KIDINS220: variants seen among roughly 807,000 people sequenced by gnomAD.
KIDINS220 encodes kinase D-interacting substrate of 220 kDa.
KIDINS220 carries 63 observed loss-of-function variants against 157.6 expected under a neutral mutation model. The ratio of observed to expected loss-of-function variants is 0.40; its 90% confidence interval spans 0.33 to 0.49. The LOEUF is 0.49. KIDINS220 is among the 20% of genes least tolerant of loss of function. The probability of loss-of-function intolerance (pLI) is 0.66; values close to 1 mark genes in which losing one functional copy is unlikely to be tolerated. For synonymous variants in KIDINS220, 732 were observed against 783.6 expected, an observed-to-expected ratio of 0.93 and a Z score of 1.10; for missense variants, 1,772 against 2,171.2, an observed-to-expected ratio of 0.82 and a Z score of 3.65.
chr2:8,813,201 CT>C, intron 5 of KIDINS220, 35 bp downstream of exon 5: 1 of 1,489,630 alleles, frequency 6.7e-7, no homozygotes, highest in Non-Finnish European at 9.3e-7. Context: ...AAACTTACCA[CT>C]TATAATACAA....
At chr2:8,734,841 A>C (rs985791881) in intron 27 of KIDINS220, 88 bp from the exon 28 acceptor site, 2 of 942,414 alleles carry the variant, frequency 2.1e-6, no homozygotes, top group African/African-American at 3.3e-5. Flanking sequence ...GCTTATATTT[A>C]GTTTTAAATA....
In KIDINS220 at chr2:8,730,783, C is replaced by G; in HGVS notation, c.5253G>C (p.Glu1751Asp). Residue 1751 changes from glutamate to aspartate, a missense_variant, in exon 30 of 30, where the codon GAG (glutamate) becomes GAC (aspartate). By Grantham distance (45) the Glu-to-Asp change is conservative (BLOSUM62 2). This residue lies in a region of KIDINS220 where 793 missense variants were observed against 885.5 expected (regional missense o/e 0.90). Coordinates refer to ENST00000256707, the MANE Select transcript of KIDINS220 (RefSeq NM_020738.4). ...TCTCAGAAGAGGCTGCTGCATGGAG[C>G]TCCGGAGGATCTTTGGAGAGCCTTG... Reference protein sequence around the residue: ...SYTRLSKDPPELHAAASSEST... With the variant: ...SYTRLSKDPPDLHAAASSEST... 6.2e-7 allele frequency: 1 copy of G among 1,614,216 alleles called. No individual in the cohort carries two copies. The highest frequency in any genetic ancestry group is 1.1e-5 in the South Asian group (1 of 91,082).
chr2:8,836,404 C>T (rs1680405988), intron 1 of KIDINS220, among the ~76,000 whole-genome samples: 1 of 152,182 alleles, frequency 6.6e-6, no homozygotes, highest in African/African-American at 2.4e-5. Flanking sequence ...GGAAATTATT[C>T]ACACAAAGGG....
At chr2:8,773,507 C>T (rs1670515913) in intron 21 of KIDINS220, among the ~76,000 whole-genome samples, 1 of 150,948 alleles carries the variant, frequency 6.6e-6, no homozygotes, top group Non-Finnish European at 1.5e-5. Context: ...GAGTCTCACT[C>T]TGTCACTCAG....
At chr2:8,757,477 C>T (rs1418662420) in intron 22 of KIDINS220, 46 of 1,377,844 alleles carry the variant, frequency 3.3e-5, no homozygotes, top group African/African-American at 5.9e-5. Context: ...TATGTGAGGC[C>T]GTCTTCATTT....
chr2:8,769,014 A>G (rs2148150621), intron 22 of KIDINS220, among the ~76,000 whole-genome samples: 1 of 152,340 alleles, frequency 6.6e-6, no homozygotes, highest in Non-Finnish European at 1.5e-5. Flanking sequence ...GGAAGAGAAG[A>G]AAAGCATCTC....
intron 22 of KIDINS220, among the ~76,000 whole-genome samples, chr2:8,762,580 A>G (rs1668897892): frequency 6.6e-6 from 1 of 152,094 alleles, no homozygotes; most frequent in Non-Finnish European, 1.5e-5. Flanking sequence ...TATTAAAAAT[A>G]CAAAAAAAAT....
At chr2:8,825,044 G>A (rs1678544038) in intron 2 of KIDINS220, among the ~76,000 whole-genome samples, 1 of 152,126 alleles carries the variant, frequency 6.6e-6, no homozygotes, top group South Asian at 2.1e-4. Context: ...GAGAGCTGCT[G>A]TTTAATAGAC....
chr2:8,747,198 C>T lies in KIDINS220; in HGVS notation c.3532G>A (p.Val1178Ile). 6.2e-7 allele frequency: 1 copy of T among 1,614,074 alleles called. No homozygotes were observed. Among genetic ancestry groups the T allele is most frequent in the Non-Finnish European group, 8.5e-7 (1 of 1,179,984 alleles). ...LPRDQNNGLEVIKEDAAEGLS... is the reference protein window; with the variant it reads ...LPRDQNNGLEIIKEDAAEGLS... The stretch of plus-strand genomic sequence containing the variant: ...CCCTCAGCAGCATCCTCCTTGATAA[C>T]TTCCTAACAACACAAAACAGGAGAG... Residue 1178 changes from valine to isoleucine, a missense_variant, in exon 26 of 30, where the codon GTT (valine) becomes ATT (isoleucine). By Grantham distance (29) the Val-to-Ile change is conservative. Coordinates refer to ENST00000256707, the MANE Select transcript of KIDINS220 (RefSeq NM_020738.4).
intron 1 of KIDINS220, among the ~76,000 whole-genome samples, chr2:8,832,416 A>G (rs967987689): frequency 3.3e-5 from 5 of 152,254 alleles, no homozygotes; most frequent in Non-Finnish European, 5.9e-5. Context: ...CTGTTGATAC[A>G]CACAATAGTA....
intron 9 of KIDINS220, among the ~76,000 whole-genome samples, chr2:8,799,270 T>C (rs1210940904): frequency 1.6e-5 from 2 of 121,946 alleles, no homozygotes; most frequent in African/African-American, 5.4e-5. Context: ...GCTTTCCTTT[T>C]CTATTTTTTT....
intron 26 of KIDINS220, chr2:8,746,518 A>AAAAT (rs1030659825): frequency 9.3e-5 from 14 of 150,846 alleles, no homozygotes; most frequent in East Asian, 1.9e-4. Flanking sequence ...GTGTTGGCAA[A>AAAAT]AAATAAATAA....
intron 2 of KIDINS220, among the ~76,000 whole-genome samples, chr2:8,823,940 G>A (rs567210323): frequency 1.4e-4 from 21 of 151,484 alleles, no homozygotes; most frequent in African/African-American, 5.1e-4. Flanking sequence ...TGAAAATATA[G>A]GCATTATCAT....
At chr2:8,780,828 G>C (rs905217635) in intron 17 of KIDINS220, among the ~76,000 whole-genome samples, 5 of 151,624 alleles carry the variant, frequency 3.3e-5, no homozygotes, top group African/African-American at 1.2e-4. Flanking sequence ...ATAAAAAAAT[G>C]CTCAATAAAA....
At chr2:8,817,807 A>T (rs1292401652) in intron 3 of KIDINS220, 91 bp from the exon 4 acceptor site, 4 of 821,318 alleles carry the variant, frequency 4.9e-6, no homozygotes, top group Non-Finnish European at 7.8e-6. Context: ...ATACCAAATG[A>T]TCATACCAAG....
chr2:8,747,735 T>TA (rs1371147219), intron 25 of KIDINS220, 152 bp downstream of exon 25: 33 of 427,398 alleles, frequency 7.7e-5, no homozygotes, highest in African/African-American at 4.5e-4. Flanking sequence ...GAAATGAAAA[T>TA]AAATACATTT....
Position 8,736,667 on chromosome 2 carries a change from A to G in KIDINS220, c.3717+201T>C, listed in dbSNP as rs2067910. Among the ~76,000 whole-genome samples the G allele has an allele frequency of 0.47, 71,866 of 152,190 alleles. 19,377 individuals carry two copies. The highest frequency in any genetic ancestry group is 0.6 in the Non-Finnish European group (40,870 of 67,984). ...CATGGTAAGACAGCTACTTTATTTTATTTTATCCATTTATAAAATAAGAGA... is the reference window on the plus strand; with the variant it reads ...CATGGTAAGACAGCTACTTTATTTTGTTTTATCCATTTATAAAATAAGAGA... On this transcript the variant is annotated intron_variant, in intron 27 of 29. Transcript: ENST00000256707.
chr2:8,807,980 C>T (rs752550963), intron 6 of KIDINS220, among the ~76,000 whole-genome samples: 12 of 152,034 alleles, frequency 7.9e-5, no homozygotes, highest in Non-Finnish European at 1.6e-4. Flanking sequence ...AAAAATTAGC[C>T]AGGCGTGGTG....
At chr2:8,768,533 A>C (rs972045360) in intron 22 of KIDINS220, among the ~76,000 whole-genome samples, 2 of 152,224 alleles carry the variant, frequency 1.3e-5, no homozygotes, top group Admixed American at 6.5e-5. Context: ...AAGCCAGCAG[A>C]TGTGTCATCA....
Sources: allele counts gnomAD v4.1 joint callset (sites outside exome capture counted in the v4.1 genomes callset), GRCh38; gene constraint gnomAD v4.1.1; regional missense constraint gnomAD v4.1.1; transcripts MANE v1.5; gene names NCBI Gene and HGNC (gene_info 2026-07-23, HGNC 2026-07-21).